Variants in PASK observed in about 807,000 individuals in gnomAD.
PASK encodes the protein PAS domain-containing serine/threonine-protein kinase.
PASK carries 110 observed loss-of-function variants against 121.0 expected under a neutral mutation model. The ratio of observed to expected loss-of-function variants is 0.91; its 90% CI spans 0.78 to 1.06. The LOEUF is 1.06. PASK is among the 50% of genes least tolerant of loss of function. The pLI is 0.00. For missense variants in PASK, 1,643 were observed against 1,702.3 expected (o/e 0.97, Z 0.61); for synonymous variants, 686 against 717.8 (o/e 0.96, Z 0.71).
chr2:241,133,017 AT>A lies in PASK; in HGVS notation c.1319del (p.Asn440MetfsTer18). On this transcript the variant is annotated frameshift_variant, in exon 9 of 18. Transcript: ENST00000234040. LOFTEE classifies it high-confidence loss of function. Reference sequence around the variant, plus strand: ...CAACGTGGCCACCAGCAAGCACGACATTAATCCTTGGATCTGGCAGCAACAC... The same window carrying A: ...CAACGTGGCCACCAGCAAGCACGACATAATCCTTGGATCTGGCAGCAACAC... ...PAEGGQDPRI[N>X]VVLAGGHVVP... 1 of 1,614,138 alleles carries A rather than the reference AT, an allele frequency of 6.2e-7. No homozygotes were observed. Among genetic ancestry groups the A allele is most frequent in the Non-Finnish European group, 8.5e-7 (1 of 1,180,016 alleles).
Position 241,107,449 on chromosome 2 carries a change from T to G in PASK, c.3718A>C (p.Thr1240Pro), listed in dbSNP as rs754895091. 6.2e-7 allele frequency: 1 copy of G among 1,614,040 alleles called. No individual in the cohort carries two copies. Among genetic ancestry groups the G allele is most frequent in the South Asian group, 1.1e-5 (1 of 91,084 alleles). ...GLLQPVPERR[T>P]TLEKLVTDPW... ...TCTGTCACCAGCTTCTCCAAGGTGG[T>G]GCGTCTCTCAGGGACTGGCTGCAGC... is the stretch of plus-strand genomic sequence containing the variant. Residue 1240 changes from threonine (T) to proline (P), a missense_variant, in exon 17 of 18, where the codon ACC becomes CCC. Around this residue, in one of 3 missense-constraint regions of PASK, gnomAD observed 453 missense variants for 511.2 expected, o/e 0.89. Coordinates refer to ENST00000234040, the MANE Select transcript of PASK (RefSeq NM_015148.4).
At chr2:241,149,574 T>C (rs2067185227), upstream of PASK, 9 of 1,400,518 alleles carry the variant, frequency 6.4e-6, no homozygotes, top group South Asian at 1.0e-4. Context: ...AGCCAGAGTC[T>C]AGAAGCCCGC....
At chr2:241,117,055 G>A (rs1174912761) in intron 12 of PASK, among the ~76,000 whole-genome samples, 2 of 152,154 alleles carry the variant, frequency 1.3e-5, no homozygotes, top group Non-Finnish European at 2.9e-5. Flanking sequence ...GAGCGCACCT[G>A]AGCTGTGAGG....
At chr2:241,142,096 C>G (rs546988031) in intron 2 of PASK, among the ~76,000 whole-genome samples, 214 of 151,046 alleles carry the variant, frequency 1.4e-3, no homozygotes, top group African/African-American at 4.7e-3. Flanking sequence ...CTGCAGTATC[C>G]TGGGCACTCT....
At chr2:241,123,025 C>G (rs1157766050) in intron 11 of PASK, 126 bp from the exon 12 acceptor site, 1 of 797,884 alleles carries the variant, frequency 1.3e-6, no homozygotes, top group East Asian at 2.6e-5. Context: ...CTCCAGTCCC[C>G]TCTCCTCCCA....
rs1448476881 is a variant in PASK, at chr2:241,124,024, G to C, written c.2829C>G (p.Thr943=). ...LHSQRDSAAR[T]RLFLASLPGS... is the part of the protein sequence containing the mutation. The stretch of plus-strand genomic sequence containing the variant: ...CGGGCAGGCTGGCAAGGAACAGGCG[G>C]GTCCTGGCGGCTGAGTCGCGTTGGC... Residue 943 remains threonine, a synonymous_variant, in exon 11 of 18, where the codon ACC becomes ACG. Coordinates refer to ENST00000234040, the MANE Select transcript of PASK (RefSeq NM_015148.4). 1 of 1,613,774 alleles carries C rather than the reference G, an allele frequency of 6.2e-7. No individual in the cohort carries two copies. Among genetic ancestry groups the C allele is most frequent in the African/African-American group, 1.3e-5 (1 of 74,914 alleles).
At position 241,127,153 on chromosome 2, in the gene PASK, C is replaced by A. The variant is rs2065907535; in HGVS notation, c.1762G>T (p.Ala588Ser). 2 of 1,613,888 alleles carry A rather than the reference C, an allele frequency of 1.2e-6. No individual in the cohort carries two copies. Among genetic ancestry groups the A allele is most frequent in the South Asian group, 2.2e-5 (2 of 91,090 alleles). ...TGGGGCTTGGCCACGGCAGCCCCAG[C>A]CCAAAGGTCTGAACCGCTGGGACCA... ...VSGPSGSDLW[A>S]GAAVAKPQAK... is the part of the protein sequence containing the mutation. Residue 588 changes from alanine to serine, a missense_variant, in exon 10 of 18, where the codon GCT becomes TCT. Ala to Ser is a moderately conservative substitution (Grantham distance 99). Around this residue, in one of 3 missense-constraint regions of PASK, gnomAD observed 1,176 missense variants for 1,162.2 expected, o/e 1.01. Coordinates refer to ENST00000234040, the MANE Select transcript of PASK (RefSeq NM_015148.4).
At position 241,137,116 on chromosome 2, in the gene PASK, A is replaced by G; in HGVS notation, c.1025T>C (p.Phe342Ser). The G allele has an allele frequency of 1.2e-6, 2 of 1,613,790 alleles. No individual in the cohort carries two copies. The highest frequency in any genetic ancestry group is 1.7e-6 in the Non-Finnish European group (2 of 1,179,962). Residue 342 changes from phenylalanine to serine, a missense_variant, in exon 7 of 18, where the codon TTC becomes TCC. By Grantham distance (155) the Phe-to-Ser change is radical. This residue lies in a region of PASK where 1,176 missense variants were observed against 1,162.2 expected (regional missense o/e 1.01). Transcript: ENST00000234040. ...GGTGATGAGGCCACTGATGGTGCAG[A>G]ACACCCAGACAGATGCCCGGTAGCC... ...VSGYRASVWV[F>S]CTISGLITLL...
chr2:241,114,520 C>A, intron 14 of PASK: 2 of 1,002,726 alleles, frequency 2.0e-6, no homozygotes, highest in Non-Finnish European at 2.4e-6. Context: ...CTATTTGGAT[C>A]ATCACTCTCC....
rs750647657 is a variant in PASK, at chr2:241,140,728, T to C, written c.222A>G (p.Leu74=). 2.7e-5 allele frequency: 44 copies of C among 1,612,732 alleles called. 3 individuals carry two copies. In the Middle Eastern group the frequency reaches 1.7e-3, roughly 61 times the overall value. The part of the protein sequence containing the change: ...LSEDRWSSYC[L]SSLAAQNICT... ...AAATATTCTGGGCAGCCAGTGATGA[T>C]AGACAATAGGAGCTCCATCTGTCTT... Residue 74 remains leucine (L), a synonymous_variant, in exon 3 of 18, where the codon CTA becomes CTG. Coordinates refer to ENST00000234040, the MANE Select transcript of PASK (RefSeq NM_015148.4).
chr2:241,119,805 ACT>A (rs907528825), intron 12 of PASK, among the ~76,000 whole-genome samples: 3 of 151,100 alleles, frequency 2.0e-5, no homozygotes, highest in African/African-American at 7.3e-5. Flanking sequence ...CTTCTGCCCC[ACT>A]CTGTTCCTTA....
chr2:241,127,877 TA>T, intron 9 of PASK: 1 of 283,080 alleles, frequency 3.5e-6, no homozygotes, highest in Non-Finnish European at 6.9e-6. Context: ...TCCACAACAG[TA>T]AAAAAACAAC....
chr2:241,117,077 A>G (rs2065405375), intron 12 of PASK, among the ~76,000 whole-genome samples: 1 of 150,194 alleles, frequency 6.7e-6, no homozygotes, highest in South Asian at 2.1e-4. Context: ...GGTGTGAGGG[A>G]GGCGGGGGGC....
chr2:241,113,069 G>A (rs950485942), intron 14 of PASK, among the ~76,000 whole-genome samples: 7 of 152,230 alleles, frequency 4.6e-5, no homozygotes, highest in African/African-American at 1.7e-4. Context: ...TCCCACGGAG[G>A]TGCAGCTGCA....
In PASK at chr2:241,138,207, G is replaced by A. The variant is rs147430144; in HGVS notation, c.742-120C>T. 94 of 975,656 alleles carry A rather than the reference G, an allele frequency of 9.6e-5. No homozygotes were observed. The East Asian group carries it at 2.4e-3, about 25-fold the overall frequency. The allele number at this position is 975,656 out of a possible 1,614,324, so 60.4% of individuals were successfully genotyped here. A position where few individuals can be genotyped will look rare whatever the true frequency, so the allele number is the denominator to read the frequency against. On this transcript the variant is annotated intron_variant, in intron 5 of 17. Coordinates refer to ENST00000234040, the MANE Select transcript of PASK (RefSeq NM_015148.4). ...CCAACATGACTTCTCCATCGGAAGG[G>A]CAAGAGACATATACACATGAATTTG...
In PASK at chr2:241,137,170, G is replaced by A. The variant is rs556062263; in HGVS notation, c.971C>T (p.Ala324Val). The stretch of plus-strand genomic sequence containing the variant: ...CACAGGGGCCGCCTCACCGGTGGTC[G>A]CCTCCTCGCTGCTGGGTTGGGATTT... ...KLKSQPSSEE[A>V]TTGEAAPVSG... The change falls in exon 7 of 18, where the codon GCG (alanine) becomes GTG (valine). Residue 324 changes from alanine (A) to valine (V), a missense_variant. Around this residue, in one of 3 missense-constraint regions of PASK, gnomAD observed 1,176 missense variants for 1,162.2 expected, o/e 1.01. Coordinates refer to ENST00000234040, the MANE Select transcript of PASK (RefSeq NM_015148.4). The A allele has an allele frequency of 1.2e-4, 188 of 1,611,986 alleles. No homozygotes were observed. Among genetic ancestry groups the A allele is most frequent in the Non-Finnish European group, 1.5e-4 (175 of 1,178,504 alleles).
intron 11 of PASK, 112 bp downstream of exon 11, chr2:241,123,837 C>A: frequency 3.5e-6 from 3 of 857,026 alleles, no homozygotes; most frequent in Non-Finnish European, 5.5e-6. Flanking sequence ...AAAAAAAAAG[C>A]TACAAACAGA....
Position 241,112,289 on chromosome 2 carries a change from A to G in PASK, c.3484T>C (p.Phe1162Leu). Residue 1162 changes from phenylalanine (F) to leucine (L), a missense_variant, in exon 15 of 18, where the codon TTT (phenylalanine) becomes CTT (leucine). Coordinates refer to ENST00000234040, the MANE Select transcript of PASK (RefSeq NM_015148.4). The surrounding 1 kb of genome is among the most constrained non-coding windows in gnomAD (Gnocchi z 5.2). ...YLERGKLFYT[F>L]CGTIEYCAPE... ...GCACAGTACTCGATGGTCCCACAAA[A>G]AGTATAAAATAATTTTCCCCTTTCC... 6.2e-7 allele frequency: 1 copy of G among 1,613,808 alleles called. No individual in the cohort carries two copies. The highest frequency in any genetic ancestry group is 8.5e-7 in the Non-Finnish European group (1 of 1,179,844).
chr2:241,121,560 A>T (rs1323841143), intron 12 of PASK, among the ~76,000 whole-genome samples: 1 of 152,220 alleles, frequency 6.6e-6, no homozygotes, highest in African/African-American at 2.4e-5. Flanking sequence ...AACGGTATAA[A>T]CACCTCAATT....
Sources: allele counts gnomAD v4.1 joint callset (sites outside exome capture counted in the v4.1 genomes callset), GRCh38; gene constraint gnomAD v4.1.1; regional missense constraint gnomAD v4.1.1; non-coding constraint Gnocchi (gnomAD v3.1); transcripts MANE v1.5; gene names NCBI Gene and HGNC (gene_info 2026-07-23, HGNC 2026-07-21).